The following PCDH15 variants were observed in gnomAD, a reference collection of about 807,000 sequenced individuals.
The protein encoded by PCDH15 is protocadherin related 15.
PCDH15 carries 129 observed loss-of-function variants against 178.5 expected under a neutral mutation model. That is an observed-to-expected ratio of 0.72 (90% CI 0.63 to 0.84). The LOEUF is 0.84. PCDH15 is among the 40% of genes least tolerant of loss of function. The pLI, the probability that PCDH15 is intolerant of heterozygous loss-of-function variation, is 0.00. For missense variants in PCDH15, 2,230 were observed against 2,099.9 expected, an observed-to-expected ratio of 1.06 and a Z score of -1.21; for synonymous variants, 800 against 732.0, an observed-to-expected ratio of 1.09 and a Z score of -1.50.
At chr10:54,489,055 T>C (rs1177063408) in intron 3 of PCDH15, among the ~76,000 whole-genome samples, 1 of 152,102 alleles carries the variant, frequency 6.6e-6, no homozygotes, top group African/African-American at 2.4e-5. Context: ...CCTTCTGACA[T>C]GAATGGCTCA....
chr10:55,522,947 C>T (rs1589107940), intron 2 of PCDH15, among the ~76,000 whole-genome samples: 1 of 151,486 alleles, frequency 6.6e-6, no homozygotes. Flanking sequence ...TATTTTGATT[C>T]CATTCTAATT....
intron 2 of PCDH15, among the ~76,000 whole-genome samples, chr10:54,577,107 A>T (rs1180526094): frequency 3.3e-5 from 5 of 151,016 alleles, no homozygotes; most frequent in Admixed American, 1.3e-4. Flanking sequence ...TTTTTTTGAG[A>T]CAGTCTCACT....
At chr10:53,912,880 A>C (rs1286274757) in intron 25 of PCDH15, among the ~76,000 whole-genome samples, 2 of 152,230 alleles carry the variant, frequency 1.3e-5, no homozygotes, top group Non-Finnish European at 2.9e-5. Context: ...GGTAACTTAT[A>C]GATTCAATGC....
chr10:54,665,511 T>TTTGTCTACA (rs976532730), intron 1 of PCDH15, among the ~76,000 whole-genome samples: 37 of 152,192 alleles, frequency 2.4e-4, no homozygotes, highest in African/African-American at 8.4e-4. Context: ...TAATTCTGCT[T>TTTGTCTACA]TTGTCTACAT....
intron 1 of PCDH15, among the ~76,000 whole-genome samples, chr10:55,199,980 C>A (rs1190373658): frequency 6.6e-6 from 1 of 152,106 alleles, no homozygotes; most frequent in African/African-American, 2.4e-5. Flanking sequence ...AGGGGTGGAG[C>A]CTTCATGGAG....
chr10:53,812,383 AT>A (rs11322657), intron 35 of PCDH15, among the ~76,000 whole-genome samples: 48,248 of 146,938 alleles, frequency 0.33, 9,048 homozygotes, highest in East Asian at 0.93. Flanking sequence ...AAATTTTTGT[AT>A]TTTTTTTTTT....
chr10:55,276,413 A>T (rs1318797219), intron 1 of PCDH15, among the ~76,000 whole-genome samples: 1 of 151,040 alleles, frequency 6.6e-6, no homozygotes, highest in East Asian at 2.0e-4. Flanking sequence ...TAATTTGCTA[A>T]TTTTTTTCTA....
intron 2 of PCDH15, among the ~76,000 whole-genome samples, chr10:54,561,244 A>T (rs2088101148): frequency 6.6e-6 from 1 of 152,140 alleles, no homozygotes; most frequent in Admixed American, 6.6e-5. Context: ...GAGAAAATAA[A>T]AAAGGTCATG....
chr10:53,839,670 A>G (rs1564582930), intron 29 of PCDH15, among the ~76,000 whole-genome samples: 3 of 98,062 alleles, frequency 3.1e-5, no homozygotes, highest in African/African-American at 1.0e-4. Flanking sequence ...AAATTCTGTT[A>G]ACAATTTTTT....
At chr10:55,445,099 A>G (rs543065660) in intron 2 of PCDH15, among the ~76,000 whole-genome samples, 1 of 152,154 alleles carries the variant, frequency 6.6e-6, no homozygotes, top group Non-Finnish European at 1.5e-5. Flanking sequence ...TAAAGTCCCA[A>G]TCATGCCTAT....
intron 1 of PCDH15, among the ~76,000 whole-genome samples, chr10:54,779,462 G>GTATATATATATACACACATATATA (rs1171635780): frequency 1.3e-4 from 5 of 38,596 alleles, no homozygotes; most frequent in African/African-American, 2.5e-4. Context: ...TCATATATGT[G>GTATATATATATACACACATATATA]TGTATATATA....
chr10:54,287,689 C>T (rs1166071789), intron 8 of PCDH15, among the ~76,000 whole-genome samples: 2 of 152,016 alleles, frequency 1.3e-5, no homozygotes, highest in Admixed American at 6.6e-5. Context: ...TATATACTTC[C>T]TGCTGTTTAA....
intron 6 of PCDH15, among the ~76,000 whole-genome samples, chr10:54,332,377 A>ATATAATATAATCTATATTACATATTAT (rs1939996537): frequency 2.7e-5 from 1 of 37,158 alleles, no homozygotes; most frequent in African/African-American, 1.1e-4. Context: ...TATATATATA[A>ATATAATATAATCTATATTACATATTAT]TATATATATA....
chr10:55,363,111 T>C (rs990200179), intron 2 of PCDH15, among the ~76,000 whole-genome samples: 1 of 152,176 alleles, frequency 6.6e-6, no homozygotes, highest in African/African-American at 2.4e-5. Flanking sequence ...ATTTCTTATG[T>C]AACCATTTGA....
chr10:55,407,165 G>A (rs747672195), intron 2 of PCDH15, among the ~76,000 whole-genome samples: 5 of 151,630 alleles, frequency 3.3e-5, no homozygotes, highest in African/African-American at 4.8e-5. Context: ...TAGAAAATGT[G>A]AACAGAGATA....
intron 2 of PCDH15, among the ~76,000 whole-genome samples, chr10:55,034,952 G>C (rs1342725533): frequency 6.6e-6 from 1 of 152,116 alleles, no homozygotes; most frequent in East Asian, 1.9e-4. Context: ...GGAAAGAAGA[G>C]GCTGATAATA....
At position 54,671,713 on chromosome 10, in the gene PCDH15, A is replaced by G. The variant is rs1402977131; in HGVS notation, c.-28-7423T>C. On this transcript the variant is annotated intron_variant, in intron 1 of 37. Transcript: ENST00000644397. The stretch of plus-strand genomic sequence containing the variant: ...GCACTTTATAAGATGCAGTGGCTAC[A>G]GCTTTATGAGAAAAACTAAATGAAT... Among the ~76,000 whole-genome samples, 3 of 152,236 alleles carry G rather than the reference A, an allele frequency of 2.0e-5. No homozygotes were observed. The East Asian group carries it at 5.8e-4, about 29-fold the overall frequency.
intron 21 of PCDH15, among the ~76,000 whole-genome samples, chr10:53,992,373 C>T (rs1410719011): frequency 6.6e-6 from 1 of 152,186 alleles, no homozygotes. Context: ...CAAGAACCCA[C>T]CAGTTTCGGA....
At chr10:54,239,827 T>C (rs1333805787) in intron 8 of PCDH15, among the ~76,000 whole-genome samples, 1 of 152,072 alleles carries the variant, frequency 6.6e-6, no homozygotes, top group Non-Finnish European at 1.5e-5. Flanking sequence ...ATAAATGAAA[T>C]TGTCAGATAA....
Sources: allele counts gnomAD v4.1 joint callset (sites outside exome capture counted in the v4.1 genomes callset), GRCh38; gene constraint gnomAD v4.1.1; transcripts MANE v1.5; gene names NCBI Gene and HGNC (gene_info 2026-07-23, HGNC 2026-07-21).